Variants in CEP135 observed in about 807,000 individuals in gnomAD.
CEP135 encodes centrosomal protein of 135 kDa.
A neutral mutation model predicts 157.3 loss-of-function variants in CEP135; 142 were observed. That is an observed-to-expected ratio of 0.90 (90% CI 0.79 to 1.04). The LOEUF is 1.04. Among genes scored for constraint, CEP135 ranks in the 50% least tolerant of loss-of-function variants. The pLI is 0.00. For synonymous variants in CEP135, 396 were observed against 439.8 expected (o/e 0.90, Z 1.25); for missense variants, 1,317 against 1,309.2 (o/e 1.01, Z -0.09).
chr4:56,019,636 T>C (rs1385297949), intron 23 of CEP135, 81 bp downstream of exon 23: 1 of 1,198,814 alleles, frequency 8.3e-7, no homozygotes, highest in African/African-American at 1.5e-5. Context: ...GGAGGAAAGG[T>C]TAAGAGTATG....
At chr4:56,030,038 CT>C (rs1640444625) in intron 25 of CEP135, among the ~76,000 whole-genome samples, 1 of 152,064 alleles carries the variant, frequency 6.6e-6, no homozygotes, top group Non-Finnish European at 1.5e-5. Context: ...TTTTGTTTTA[CT>C]TTTTAAAGTG....
chr4:55,955,504 A>T (rs1007886533), intron 4 of CEP135, among the ~76,000 whole-genome samples: 3 of 152,316 alleles, frequency 2.0e-5, no homozygotes, highest in African/African-American at 4.8e-5. Flanking sequence ...TTAGTAAATG[A>T]GATAGATGGA....
At chr4:55,956,787 A>C (rs1577864153) in intron 4 of CEP135, among the ~76,000 whole-genome samples, 1 of 151,924 alleles carries the variant, frequency 6.6e-6, no homozygotes, top group African/African-American at 2.4e-5. Context: ...ATTTTTTTGT[A>C]TTTTTAGTAG....
At chr4:56,019,267 C>T in intron 22 of CEP135, 86 bp from the exon 23 acceptor site, 2 of 1,034,206 alleles carry the variant, frequency 1.9e-6, no homozygotes, top group Non-Finnish European at 1.4e-6. Flanking sequence ...GTGAATAGTT[C>T]CACAGAGCTA....
chr4:55,986,259 A>G (rs1729576528), intron 14 of CEP135, among the ~76,000 whole-genome samples: 1 of 152,230 alleles, frequency 6.6e-6, no homozygotes, highest in South Asian at 2.1e-4. Context: ...CATATAGGCC[A>G]GGCATAGTGG....
At chr4:56,019,693 T>C (rs1577913670) in intron 23 of CEP135, 138 bp downstream of exon 23, 1 of 644,838 alleles carries the variant, frequency 1.6e-6, no homozygotes, top group Non-Finnish European at 2.5e-6. Flanking sequence ...CCCAGCACTT[T>C]GGGAGGCCAA....
chr4:55,960,793 G>T (rs1352414880), intron 6 of CEP135: 2 of 151,356 alleles, frequency 1.3e-5, no homozygotes, highest in East Asian at 3.9e-4. Flanking sequence ...GGGCGTAGTG[G>T]CGGGCGCCTG....
intron 11 of CEP135, among the ~76,000 whole-genome samples, chr4:55,976,933 C>T (rs1729242176): frequency 6.6e-6 from 1 of 151,954 alleles, no homozygotes; most frequent in African/African-American, 2.4e-5. Context: ...CCTTAGCGTA[C>T]TGAGTAGCTG....
chr4:55,993,297 C>T (rs544593352), intron 15 of CEP135, among the ~76,000 whole-genome samples: 30 of 152,088 alleles, frequency 2.0e-4, no homozygotes, highest in African/African-American at 6.5e-4. Flanking sequence ...AGAGCAAATA[C>T]GAGAATCAAA....
At chr4:56,018,166 G>A (rs2611825) in intron 22 of CEP135, among the ~76,000 whole-genome samples, 9,379 of 152,084 alleles carry the variant, frequency 0.062, 412 homozygotes, top group African/African-American at 0.11. Context: ...TTTTAGTAGA[G>A]ATGGGGTTTC....
rs769581175 is a variant in CEP135, at chr4:56,020,781, G to A, written c.3320+1G>A. ...AGATCTCAACTGAAAGATACGAACG[G>A]TAAGACAAATTTTTTTTACATTTGA... On this transcript the variant is annotated splice_donor_variant, in intron 24 of 25. Transcript: ENST00000257287. LOFTEE classifies it high-confidence loss of function. The A allele has an allele frequency of 1.2e-6, 2 of 1,608,102 alleles. No individual in the cohort carries two copies. Among genetic ancestry groups the A allele is most frequent in the South Asian group, 1.1e-5 (1 of 89,694 alleles).
intron 13 of CEP135, among the ~76,000 whole-genome samples, chr4:55,982,626 T>C (rs1315526232): frequency 6.6e-6 from 1 of 152,204 alleles, no homozygotes; most frequent in Non-Finnish European, 1.5e-5. Flanking sequence ...GGTTGTCTCA[T>C]TATTAAGTTG....
chr4:55,969,262 A>G (rs1357011608), intron 9 of CEP135, 134 bp downstream of exon 9: 9 of 621,710 alleles, frequency 1.4e-5, no homozygotes, highest in Non-Finnish European at 2.2e-5. Flanking sequence ...CCCCGTCTCT[A>G]CTAAAAATAC....
chr4:55,992,979 G>A (rs931568068), intron 15 of CEP135, among the ~76,000 whole-genome samples: 2 of 152,166 alleles, frequency 1.3e-5, no homozygotes, highest in Non-Finnish European at 2.9e-5. Flanking sequence ...TACATTTGCA[G>A]TCAGAATCAG....
chr4:56,008,502 A>G lies in CEP135; in HGVS notation c.2336+120A>G, dbSNP rs1730440373. On this transcript the variant is annotated intron_variant, in intron 18 of 25. Transcript: ENST00000257287. ...CCCTTTCAATTTCCCCATTTTTGTC[A>G]ATGGTAGCATCATTTTCTCAGTCTC... 2.3e-5 allele frequency: 17 copies of G among 749,096 alleles called. No individual in the cohort carries two copies. The East Asian group carries it at 4.4e-4, about 19-fold the overall frequency. 46.4% of individuals were successfully genotyped at this position (749,096 alleles called of 1,614,324 possible).
In CEP135 at chr4:56,031,856, G is replaced by C. The variant is rs146203719; in HGVS notation, c.*508G>C. The C allele has an allele frequency of 2.9e-3, 444 of 152,220 alleles. 2 individuals carry two copies. Among genetic ancestry groups the C allele is most frequent in the African/African-American group, 9.8e-3 (406 of 41,546 alleles). 9.4% of individuals were successfully genotyped at this position (152,220 alleles called of 1,614,324 possible). A position where few individuals can be genotyped will look rare whatever the true frequency, so the allele number is the denominator to read the frequency against. Reference sequence around the variant, plus strand: ...AAAATTATTCATAGATCTACTGTCTGTTGTCAAGGGGAATATATTCAGGTC... The same window carrying C: ...AAAATTATTCATAGATCTACTGTCTCTTGTCAAGGGGAATATATTCAGGTC... On this transcript the variant is annotated 3_prime_UTR_variant, in exon 26 of 26. Transcript: ENST00000257287.
chr4:55,980,110 A>G, intron 11 of CEP135, 33 bp from the exon 12 acceptor site: 1 of 1,545,840 alleles, frequency 6.5e-7, no homozygotes, highest in East Asian at 2.3e-5. Context: ...CCATGTGGTG[A>G]TGATTATATT....
intron 12 of CEP135, 73 bp downstream of exon 12, chr4:55,980,368 T>G: frequency 1.1e-6 from 1 of 921,210 alleles, no homozygotes; most frequent in Non-Finnish European, 1.6e-6. Flanking sequence ...TGTATATATC[T>G]TTCACATTAC....
chr4:55,981,014 T>G (rs1042577411), intron 12 of CEP135, among the ~76,000 whole-genome samples: 1 of 152,162 alleles, frequency 6.6e-6, no homozygotes, highest in African/African-American at 2.4e-5. Flanking sequence ...TGCTGTCTAG[T>G]TTCCAACATT....
Sources: gnomAD v4.1 joint callset for allele counts (sites outside exome capture counted in the v4.1 genomes callset) on GRCh38, gnomAD v4.1.1 for gene constraint, MANE v1.5 for transcripts, NCBI Gene and HGNC (gene_info 2026-07-23, HGNC 2026-07-21) for gene names.